TENM1: variants seen among roughly 807,000 people sequenced by gnomAD.
The protein encoded by TENM1 is teneurin transmembrane protein 1.
In TENM1, 35 loss-of-function variants were observed where a neutral mutation model predicts 174.8. That is an observed-to-expected ratio of 0.20 (90% confidence interval 0.15 to 0.27). The LOEUF (loss-of-function observed/expected upper bound fraction) is 0.27, where lower values mean the gene tolerates loss of function less well. TENM1 is among the 10% of genes least tolerant of loss of function. The probability of loss-of-function intolerance (pLI) is 1.00; values close to 1 mark genes in which losing one functional copy is unlikely to be tolerated. For synonymous variants in TENM1, 781 were observed against 798.7 expected (o/e 0.98, Z 0.37); for missense variants, 1,633 against 2,130.1 (o/e 0.77, Z 4.59).
the TENM1 span, among the ~76,000 whole-genome samples, chrX:125,157,833 G>A: frequency 9.0e-6 from 1 of 111,487 alleles, no homozygotes; most frequent in Admixed American, 9.5e-5. Flanking sequence ...ACACATACCC[G>A]AGCAATTATC....
At chrX:125,151,654 G>A in the TENM1 span, among the ~76,000 whole-genome samples, 1 of 111,780 alleles carries the variant, frequency 8.9e-6, no homozygotes, top group Non-Finnish European at 1.9e-5. Context: ...TTCAGTGAAA[G>A]GCCAGGTCCT....
chrX:124,495,289 T>C (rs2147974613), intron 20 of TENM1, among the ~76,000 whole-genome samples: 1 of 108,692 alleles, frequency 9.2e-6, no homozygotes, highest in East Asian at 2.9e-4. Flanking sequence ...TTTCATGTGT[T>C]TTTTGGCTGC....
chrX:125,126,476 C>G, the TENM1 span, among the ~76,000 whole-genome samples: 2 of 110,899 alleles, frequency 1.8e-5, no homozygotes, highest in African/African-American at 3.3e-5. Context: ...ACTTATCAAA[C>G]TTAACATAGA....
intron 23 of TENM1, among the ~76,000 whole-genome samples, chrX:124,440,455 TTTAA>T (rs1403185224): frequency 8.9e-6 from 1 of 112,062 alleles, no homozygotes; most frequent in Non-Finnish European, 1.9e-5. Flanking sequence ...GGGTCATTTA[TTTAA>T]TTAGCCTTCA....
chrX:124,946,432 A>G (rs908450918), intron 1 of TENM1, among the ~76,000 whole-genome samples: 6 of 111,817 alleles, frequency 5.4e-5, no homozygotes, highest in Non-Finnish European at 9.4e-5. Context: ...GACCAAGGGA[A>G]TAAGTGTAGC....
chrX:124,727,990 T>C (rs568117740), intron 4 of TENM1, among the ~76,000 whole-genome samples: 33 of 111,522 alleles, frequency 3.0e-4, no homozygotes, highest in African/African-American at 1.0e-3. Context: ...TTAAACATTT[T>C]AGAAAATATT....
At chrX:124,948,023 T>C in intron 1 of TENM1, among the ~76,000 whole-genome samples, 2 of 112,151 alleles carry the variant, frequency 1.8e-5, no homozygotes, top group Middle Eastern at 4.6e-3. Context: ...CAATAGAATC[T>C]GCCTCCCATA....
At chrX:124,432,174 G>T (rs749496476) in intron 23 of TENM1, among the ~76,000 whole-genome samples, 40 of 111,389 alleles carry the variant, frequency 3.6e-4, no homozygotes, top group Admixed American at 5.7e-4. Flanking sequence ...GATCAATAAG[G>T]GCCATCGCTC....
At chrX:125,102,855 G>T in the TENM1 span, among the ~76,000 whole-genome samples, 2 of 111,981 alleles carry the variant, frequency 1.8e-5, no homozygotes, top group South Asian at 7.5e-4. Flanking sequence ...TAAATTGTCA[G>T]ATCAAGTTCA....
chrX:124,939,969 G>A (rs991519759), intron 1 of TENM1, among the ~76,000 whole-genome samples: 2 of 111,680 alleles, frequency 1.8e-5, no homozygotes, highest in Non-Finnish European at 3.8e-5. Flanking sequence ...CCTTACTAGA[G>A]TATAAGCTCT....
At chrX:124,590,381 T>C (rs960303337) in intron 11 of TENM1, among the ~76,000 whole-genome samples, 1 of 109,784 alleles carries the variant, frequency 9.1e-6, no homozygotes, top group Non-Finnish European at 1.9e-5. Flanking sequence ...CCATTCACAA[T>C]TGCTTCAAAG....
At chrX:124,422,432 G>A (rs762879040) in exon 24 of TENM1, 26 of 1,209,288 alleles carry the variant, frequency 2.2e-5, no homozygotes, top group Admixed American at 2.0e-4. Context: ...AGACACTGAT[G>A]GCCCTCGCTG....
intron 3 of TENM1, among the ~76,000 whole-genome samples, chrX:124,754,512 T>G (rs1256336568): frequency 9.0e-6 from 1 of 111,427 alleles, no homozygotes; most frequent in Non-Finnish European, 1.9e-5. Flanking sequence ...ATTTTAGTTA[T>G]TTCTTGCCTT....
intron 1 of TENM1, among the ~76,000 whole-genome samples, chrX:124,899,726 ATT>A (rs997381589): frequency 8.9e-6 from 1 of 111,882 alleles, no homozygotes; most frequent in Non-Finnish European, 1.9e-5. Flanking sequence ...TTGAAATTCA[ATT>A]TTTTAAGTGG....
intron 3 of TENM1, among the ~76,000 whole-genome samples, chrX:124,805,991 T>C (rs2055586786): frequency 9.2e-6 from 1 of 108,935 alleles, no homozygotes; most frequent in African/African-American, 3.4e-5. Context: ...AACAGAGATA[T>C]ACAAACTACC....
rs193065530 is a variant in TENM1, at chrX:124,751,891, T to C, written c.536-14694A>G. ...CACATTTACTTAATCCAGTCTATCATTGTTGGACATTTGGGTTGGTTCCAA... is the reference window on the plus strand; with the variant it reads ...CACATTTACTTAATCCAGTCTATCACTGTTGGACATTTGGGTTGGTTCCAA... On this transcript the variant is annotated intron_variant, in intron 3 of 31. Coordinates refer to ENST00000422452, the Ensembl canonical transcript of TENM1. Among the ~76,000 whole-genome samples the C allele has an allele frequency of 8.4e-3, 936 of 110,912 alleles. 14 individuals are homozygous for C. Among genetic ancestry groups the C allele is most frequent in the African/African-American group, 0.029 (877 of 30,540 alleles).
At chrX:125,059,574 T>C in the TENM1 span, among the ~76,000 whole-genome samples, 1 of 111,390 alleles carries the variant, frequency 9.0e-6, no homozygotes, top group Non-Finnish European at 1.9e-5. Context: ...TCTGCTACTT[T>C]GTACTCTGAC....
In TENM1 at chrX:124,397,660, T is replaced by C. The variant is rs778966297; in HGVS notation, c.5392-5312A>G. On this transcript the variant is annotated intron_variant, in intron 27 of 31. Transcript: ENST00000422452. ...TCGCCCAGGCTGGAGTGCAATGGCATGATCTTGGCTCACCACAACCTCCAC... is the reference window on the plus strand; with the variant it reads ...TCGCCCAGGCTGGAGTGCAATGGCACGATCTTGGCTCACCACAACCTCCAC... 6.3e-5 allele frequency among the ~76,000 whole-genome samples: 7 copies of C among 110,648 alleles called. No individual in the cohort carries two copies. The South Asian group carries it at 2.8e-3, about 44-fold the overall frequency.
At chrX:124,493,334 G>C (rs745768205) in intron 20 of TENM1, among the ~76,000 whole-genome samples, 16 of 111,724 alleles carry the variant, frequency 1.4e-4, no homozygotes, top group Non-Finnish European at 3.0e-4. Context: ...AATGACAATT[G>C]CTCCACTTTA....
Sources: gnomAD v4.1 joint callset for allele counts (sites outside exome capture counted in the v4.1 genomes callset) on GRCh38, gnomAD v4.1.1 for gene constraint, MANE v1.5 for transcripts, NCBI Gene and HGNC (gene_info 2026-07-23, HGNC 2026-07-21) for gene names.